The following SLC24A3 variants were observed in gnomAD, a reference collection of about 807,000 sequenced individuals.
The protein encoded by SLC24A3 is sodium/potassium/calcium exchanger 3.
SLC24A3 carries 28 observed loss-of-function variants against 75.8 expected under a neutral mutation model. That is an observed-to-expected ratio of 0.37 (90% CI 0.27 to 0.51). The LOEUF is 0.51. Among genes scored for constraint, SLC24A3 ranks in the 20% least tolerant of loss-of-function variants. SLC24A3 has a pLI of 0.94. For synonymous variants in SLC24A3, 372 were observed against 334.1 expected (o/e 1.11, Z -1.24); for missense variants, 663 against 847.8 (o/e 0.78, Z 2.71).
At chr20:19,567,789 C>T (rs2030984098) in intron 3 of SLC24A3, among the ~76,000 whole-genome samples, 1 of 152,124 alleles carries the variant, frequency 6.6e-6, no homozygotes, top group Admixed American at 6.5e-5. Context: ...AATTGGAATA[C>T]ATCAAAAATT....
intron 1 of SLC24A3, among the ~76,000 whole-genome samples, chr20:19,219,002 C>A (rs1028586130): frequency 2.0e-5 from 3 of 151,732 alleles, no homozygotes; most frequent in African/African-American, 7.3e-5. Context: ...TCCATTTTTG[C>A]CTTCTTTTTC....
intron 2 of SLC24A3, among the ~76,000 whole-genome samples, chr20:19,343,104 G>GA (rs1985312946): frequency 3.5e-5 from 5 of 144,898 alleles, no homozygotes; most frequent in African/African-American, 1.3e-4. Flanking sequence ...AAAAGAAAAA[G>GA]AAAAGGCAGA....
intron 2 of SLC24A3, among the ~76,000 whole-genome samples, chr20:19,398,361 T>G (rs1986493252): frequency 6.6e-6 from 1 of 152,200 alleles, no homozygotes; most frequent in Non-Finnish European, 1.5e-5. Flanking sequence ...CAGCAATGTT[T>G]TGTAATTTTC....
At chr20:19,608,099 T>A (rs1387439573) in intron 6 of SLC24A3, among the ~76,000 whole-genome samples, 3 of 152,258 alleles carry the variant, frequency 2.0e-5, no homozygotes, top group Non-Finnish European at 2.9e-5. Context: ...CTGTGTCACC[T>A]CCTGCAAGAA....
At chr20:19,235,801 C>A (rs1982149611) in intron 1 of SLC24A3, among the ~76,000 whole-genome samples, 1 of 152,204 alleles carries the variant, frequency 6.6e-6, no homozygotes, top group African/African-American at 2.4e-5. Flanking sequence ...CCATTACCTA[C>A]AAGGTGCAAC....
intron 2 of SLC24A3, among the ~76,000 whole-genome samples, chr20:19,512,525 T>C (rs1289818028): frequency 6.6e-6 from 1 of 152,230 alleles, no homozygotes. Flanking sequence ...GGGATACACA[T>C]ATCTGCAGTT....
chr20:19,690,403 C>T, intron 12 of SLC24A3, among the ~76,000 whole-genome samples: 1 of 152,132 alleles, frequency 6.6e-6, no homozygotes, highest in East Asian at 1.9e-4. Flanking sequence ...CTCTTGCACT[C>T]GTAAATTCTG....
chr20:19,288,690 G>T (rs1248638470), intron 2 of SLC24A3, among the ~76,000 whole-genome samples: 1 of 152,184 alleles, frequency 6.6e-6, no homozygotes. Context: ...AAAGCAAGTC[G>T]AGTTAAAGAA....
At position 19,470,180 on chromosome 20, in the gene SLC24A3, C is replaced by G. The variant is rs140255302; in HGVS notation, c.272-45308C>G. Among the ~76,000 whole-genome samples, 949 of 152,310 alleles carry G rather than the reference C, an allele frequency of 6.2e-3. 4 individuals carry two copies. Among genetic ancestry groups the G allele is most frequent in the Middle Eastern group, 0.031 (9 of 294 alleles). On this transcript the variant is annotated intron_variant, in intron 2 of 16. Transcript: ENST00000328041. ...TACACTGGAGACCAAAGTCCTACCC[C>G]CAAATGTTCGTGCAAATATCCTTTC...
intron 2 of SLC24A3, among the ~76,000 whole-genome samples, chr20:19,442,883 C>G (rs1055817792): frequency 6.6e-6 from 1 of 152,092 alleles, no homozygotes; most frequent in Non-Finnish European, 1.5e-5. Flanking sequence ...GGTGTAATGT[C>G]AGCATCTATG....
intron 2 of SLC24A3, among the ~76,000 whole-genome samples, chr20:19,490,015 G>A (rs1342135741): frequency 6.6e-6 from 1 of 152,100 alleles, no homozygotes; most frequent in Non-Finnish European, 1.5e-5. Context: ...GTATCTGGTT[G>A]GGGGGATCCT....
At chr20:19,676,753 A>G (rs1247763393) in intron 9 of SLC24A3, among the ~76,000 whole-genome samples, 1 of 152,240 alleles carries the variant, frequency 6.6e-6, no homozygotes, top group Non-Finnish European at 1.5e-5. Flanking sequence ...TTCAAGGAGC[A>G]TAAAGCATGC....
intron 6 of SLC24A3, among the ~76,000 whole-genome samples, chr20:19,622,281 G>A (rs1402949849): frequency 6.6e-6 from 1 of 152,188 alleles, no homozygotes; most frequent in Non-Finnish European, 1.5e-5. Flanking sequence ...CAGGCTCACT[G>A]GAGGAATGAG....
Position 19,721,128 on chromosome 20 carries a change from C to T in SLC24A3, c.1923C>T (p.Cys641=), listed in dbSNP as rs777773797. 11 of 1,613,936 alleles carry T rather than the reference C, an allele frequency of 6.8e-6. No individual in the cohort carries two copies. Among genetic ancestry groups the T allele is most frequent in the South Asian group, 6.6e-5 (6 of 91,082 alleles). ...NVFTFVNLPM[C]GDH is the part of the protein sequence containing the mutation. ...TCACCTTTGTGAACCTGCCCATGTGCGGGGACCACTGAGCCGCCGGGTGCC... is the reference window on the plus strand; with the variant it reads ...TCACCTTTGTGAACCTGCCCATGTGTGGGGACCACTGAGCCGCCGGGTGCC... The change falls in exon 17 of 17, where the codon TGC becomes TGT. Residue 641 remains cysteine (C), a synonymous_variant. Transcript: ENST00000328041.
intron 6 of SLC24A3, among the ~76,000 whole-genome samples, chr20:19,649,512 C>T (rs948660819): frequency 3.9e-5 from 6 of 152,078 alleles, no homozygotes; most frequent in African/African-American, 1.4e-4. Context: ...TATAGTAACT[C>T]TTTTTTTGCT....
chr20:19,648,189 C>T (rs57775889), intron 6 of SLC24A3, among the ~76,000 whole-genome samples: 20,834 of 152,194 alleles, frequency 0.14, 1,518 homozygotes, highest in Non-Finnish European at 0.15. Flanking sequence ...TCAGGCCTGT[C>T]TGAACTTCAG....
intron 3 of SLC24A3, among the ~76,000 whole-genome samples, chr20:19,575,298 G>A (rs1030736476): frequency 1.1e-4 from 16 of 143,278 alleles, no homozygotes; most frequent in African/African-American, 7.7e-5. Flanking sequence ...GCTACTCCAC[G>A]AACACCACCC....
At chr20:19,275,631 G>C (rs933401239) in intron 1 of SLC24A3, among the ~76,000 whole-genome samples, 2 of 152,182 alleles carry the variant, frequency 1.3e-5, no homozygotes, top group African/African-American at 4.8e-5. Flanking sequence ...CTAAGCCCCA[G>C]TTGTGGGGAG....
chr20:19,547,581 G>T (rs2030621738), intron 3 of SLC24A3, among the ~76,000 whole-genome samples: 1 of 152,158 alleles, frequency 6.6e-6, no homozygotes, highest in African/African-American at 2.4e-5. Context: ...AATGAAGCCG[G>T]ATCTCACAGG....
Sources: allele counts gnomAD v4.1 joint callset (sites outside exome capture counted in the v4.1 genomes callset), GRCh38; gene constraint gnomAD v4.1.1; transcripts MANE v1.5; gene names NCBI Gene and HGNC (gene_info 2026-07-23, HGNC 2026-07-21).